Variants in NRF1 observed in about 807,000 individuals in gnomAD.
The protein encoded by NRF1 is alpha palindromic-binding protein.
NRF1 carries 5 observed loss-of-function variants against 58.5 expected under a neutral mutation model. The ratio of observed to expected loss-of-function variants is 0.09; its 90% CI spans 0.04 to 0.18. NRF1 has a LOEUF of 0.18. Among genes scored for constraint, NRF1 ranks in the 10% least tolerant of loss-of-function variants. The probability of loss-of-function intolerance (pLI) is 1.00; values close to 1 mark genes in which losing one functional copy is unlikely to be tolerated. For missense variants in NRF1, 288 were observed against 657.7 expected, an observed-to-expected ratio of 0.44 and a Z score of 6.15; for synonymous variants, 224 against 246.7, an observed-to-expected ratio of 0.91 and a Z score of 0.86.
intron 6 of NRF1, 26 bp downstream of exon 6, chr7:129,709,259 C>G: frequency 1.4e-6 from 2 of 1,416,296 alleles, no homozygotes. Context: ...ACTGAGTTGC[C>G]TGGTTGCTTT....
chr7:129,736,641 T>C (rs1206877817), intron 10 of NRF1, among the ~76,000 whole-genome samples: 1 of 151,918 alleles, frequency 6.6e-6, no homozygotes, highest in East Asian at 1.9e-4. Flanking sequence ...CTTTTTTTTT[T>C]TTCTTTGCCT....
intron 9 of NRF1, among the ~76,000 whole-genome samples, chr7:129,725,476 C>T (rs1803430578): frequency 6.6e-6 from 1 of 151,982 alleles, no homozygotes; most frequent in Admixed American, 6.6e-5. Context: ...TACAGGCATG[C>T]ACCACCACAC....
Position 129,674,417 on chromosome 7 carries a change from A to C in NRF1, c.338+2874A>C, listed in dbSNP as rs548842700. Among the ~76,000 whole-genome samples, 16 of 152,110 alleles carry C rather than the reference A, an allele frequency of 1.1e-4. No homozygotes were observed. In the South Asian group the frequency reaches 3.1e-3, roughly 30 times the overall value. On this transcript the variant is annotated intron_variant, in intron 3 of 10. Transcript: ENST00000393232. Reference sequence around the variant, plus strand: ...GTATTATATCTAAAAAAAAAAAGCAATGTACATACCGTAATTTTAAAATAC... The same window carrying C: ...GTATTATATCTAAAAAAAAAAAGCACTGTACATACCGTAATTTTAAAATAC...
chr7:129,646,456 A>G (rs1007015646), intron 1 of NRF1, among the ~76,000 whole-genome samples: 1 of 152,190 alleles, frequency 6.6e-6, no homozygotes, highest in Non-Finnish European at 1.5e-5. Flanking sequence ...AGAGCACAAA[A>G]GACACTGGGG....
chr7:129,660,166 A>G (rs1404169980), intron 2 of NRF1, among the ~76,000 whole-genome samples: 1 of 152,174 alleles, frequency 6.6e-6, no homozygotes, highest in Non-Finnish European at 1.5e-5. Context: ...CAGCATGGGA[A>G]AGATCTGCCC....
chr7:129,728,635 G>A (rs1412986014), intron 10 of NRF1, among the ~76,000 whole-genome samples: 1 of 152,158 alleles, frequency 6.6e-6, no homozygotes, highest in Non-Finnish European at 1.5e-5. Flanking sequence ...TCTGTTAGTT[G>A]GAAAAGTCTT....
intron 1 of NRF1, among the ~76,000 whole-genome samples, chr7:129,629,438 G>A (rs1027008506): frequency 6.6e-6 from 1 of 152,114 alleles, no homozygotes; most frequent in Non-Finnish European, 1.5e-5. Context: ...CACACGCCTG[G>A]CTGAATTTTG....
chr7:129,614,443 T>TTGTGTGTGTGTGTGTGTG (rs56403369), intron 1 of NRF1, among the ~76,000 whole-genome samples: 10,186 of 145,688 alleles, frequency 0.07, 530 homozygotes, highest in African/African-American at 0.13. Flanking sequence ...AAATATGTAT[T>TTGTGTGTGTGTGTGTGTG]TGTGTGTGTG....
chr7:129,720,890 G>A (rs1803306562), intron 9 of NRF1, among the ~76,000 whole-genome samples: 1 of 151,962 alleles, frequency 6.6e-6, no homozygotes, highest in South Asian at 2.1e-4. Flanking sequence ...TCAAAATAAA[G>A]AATAAATCAG....
At chr7:129,627,558 T>A in intron 1 of NRF1, among the ~76,000 whole-genome samples, 1 of 152,120 alleles carries the variant, frequency 6.6e-6, no homozygotes, top group East Asian at 1.9e-4. Context: ...CCTCAAGACC[T>A]TTGTAGGACT....
chr7:129,744,936 T>TGGAG (rs1554417676), intron 10 of NRF1, among the ~76,000 whole-genome samples: 1 of 152,030 alleles, frequency 6.6e-6, no homozygotes, highest in Non-Finnish European at 1.5e-5. Context: ...GACAGGCACA[T>TGGAG]GGGGGTTCAT....
At chr7:129,690,176 C>A (rs17556221) in intron 4 of NRF1, among the ~76,000 whole-genome samples, 8 of 152,110 alleles carry the variant, frequency 5.3e-5, no homozygotes, top group African/African-American at 1.4e-4. Context: ...AATTTTTTCA[C>A]TGGCTCTCTT....
At chr7:129,662,133 C>G (rs191414288) in intron 2 of NRF1, among the ~76,000 whole-genome samples, 1 of 151,292 alleles carries the variant, frequency 6.6e-6, no homozygotes, top group African/African-American at 2.5e-5. Flanking sequence ...TCAGTTACCT[C>G]CCACTAGGTT....
chr7:129,722,820 C>T (rs1803359467), intron 9 of NRF1, among the ~76,000 whole-genome samples: 2 of 152,254 alleles, frequency 1.3e-5, no homozygotes, highest in South Asian at 4.1e-4. Flanking sequence ...AGAGTGTGTT[C>T]AGGATGTACA....
chr7:129,644,428 T>C (rs1219802724), intron 1 of NRF1, among the ~76,000 whole-genome samples: 1 of 152,176 alleles, frequency 6.6e-6, no homozygotes, highest in Non-Finnish European at 1.5e-5. Context: ...ATGAACCCAC[T>C]CTATTAGAAA....
At chr7:129,618,002 A>C (rs1267331375) in intron 1 of NRF1, among the ~76,000 whole-genome samples, 2 of 152,212 alleles carry the variant, frequency 1.3e-5, no homozygotes, top group African/African-American at 4.8e-5. Flanking sequence ...TTCTATAGGC[A>C]TTTAGGGACC....
chr7:129,713,365 A>G (rs1803120567), intron 8 of NRF1, among the ~76,000 whole-genome samples: 1 of 152,198 alleles, frequency 6.6e-6, no homozygotes, highest in Non-Finnish European at 1.5e-5. Flanking sequence ...CTAGGATGAT[A>G]TATAGTATAT....
intron 1 of NRF1, among the ~76,000 whole-genome samples, chr7:129,639,416 T>G (rs933341105): frequency 6.6e-5 from 10 of 152,204 alleles, no homozygotes; most frequent in African/African-American, 2.4e-4. Flanking sequence ...AATAATAATT[T>G]GTACAGATTT....
rs79784138 is a variant in NRF1, at chr7:129,710,482, A to C, written c.874A>C (p.Thr292Pro). 1.2e-6 allele frequency: 2 copies of C among 1,611,308 alleles called. No homozygotes were observed. The highest frequency in any genetic ancestry group is 2.7e-5 in the African/African-American group (2 of 74,866). ...AGATCAGCAAACGCAAACACAGGCC[A>C]CAGCCACACATAGTATAGCTCATCT... The part of the protein sequence containing the change: ...FEDQQTQTQA[T>P]ATHSIAHLVP... The change falls in exon 7 of 11, where the codon ACA becomes CCA. Residue 292 changes from threonine to proline, a missense_variant. Around this residue, in one of 3 missense-constraint regions of NRF1, gnomAD observed 212 missense variants for 559.7 expected, o/e 0.38. Coordinates refer to ENST00000393232, the MANE Select transcript of NRF1 (RefSeq NM_005011.5).
Sources: gnomAD v4.1 joint callset for allele counts (sites outside exome capture counted in the v4.1 genomes callset) on GRCh38, gnomAD v4.1.1 for gene constraint, gnomAD v4.1.1 regional missense constraint, MANE v1.5 for transcripts, NCBI Gene and HGNC (gene_info 2026-07-23, HGNC 2026-07-21) for gene names.